STAT5B: variants seen among roughly 807,000 people sequenced by gnomAD.
The protein encoded by STAT5B is signal transducer and activator of transcription 5B, also known as transcription factor STAT5B.
In STAT5B, 21 loss-of-function variants were observed where a neutral mutation model predicts 107.8. That is an observed-to-expected ratio of 0.19 (90% confidence interval 0.14 to 0.28). The LOEUF (loss-of-function observed/expected upper bound fraction) is 0.28, where lower values mean the gene tolerates loss of function less well. Ranked by LOEUF, STAT5B falls within the 10% of genes least tolerant of loss-of-function variation. The pLI is 1.00. For missense variants in STAT5B, 565 were observed against 1,008.2 expected, an observed-to-expected ratio of 0.56 and a Z score of 5.95; for synonymous variants, 325 against 401.7, an observed-to-expected ratio of 0.81 and a Z score of 2.28.
intron 1 of STAT5B, among the ~76,000 whole-genome samples, chr17:42,274,701 C>T (rs2144444519): frequency 1.3e-5 from 2 of 152,320 alleles, no homozygotes; most frequent in East Asian, 3.9e-4. Context: ...CAATAAAATA[C>T]ATCCTCACCT....
At chr17:42,212,248 A>G in intron 12 of STAT5B, 58 bp from the exon 13 acceptor site, 1 of 1,613,354 alleles carries the variant, frequency 6.2e-7, no homozygotes, top group Non-Finnish European at 8.5e-7. Flanking sequence ...TTATTCCCTC[A>G]AGCCACAAAA....
At chr17:42,211,962 G>T (rs372815322) in intron 13 of STAT5B, 22 bp downstream of exon 13, 1 of 1,597,012 alleles carries the variant, frequency 6.3e-7, no homozygotes. Flanking sequence ...ATCTAACAGC[G>T]GCTGGCAGCT....
chr17:42,219,776 T>C lies in STAT5B; in HGVS notation c.617A>G (p.Gln206Arg), dbSNP rs1025430307. Residue 206 changes from glutamine (Q) to arginine (R), a missense_variant, in exon 6 of 19, where the codon CAG becomes CGG. Gln to Arg is a conservative substitution (Grantham distance 43). Transcript: ENST00000293328. ...CCAGGCCTCCAGAGACACCTGCTTC[T>C]GCTGGAGGGCCGTCTCCCGGCTCAG... The part of the protein sequence containing the change: ...ERLSRETALQ[Q>R]KQVSLEAWLQ... The C allele has an allele frequency of 6.2e-6, 10 of 1,613,296 alleles. No homozygotes were observed. The African/African-American group carries it at 1.3e-4, about 22-fold the overall frequency.
chr17:42,252,124 T>TA (rs1414061221), intron 1 of STAT5B, among the ~76,000 whole-genome samples: 4 of 152,096 alleles, frequency 2.6e-5, no homozygotes, highest in Admixed American at 2.6e-4. Context: ...CATCAAGAAA[T>TA]AGACACTCTG....
intron 1 of STAT5B, among the ~76,000 whole-genome samples, chr17:42,241,121 C>G (rs1598321486): frequency 6.6e-6 from 1 of 151,992 alleles, no homozygotes; most frequent in South Asian, 2.1e-4. Flanking sequence ...GGCAGATCAC[C>G]TGAGGTTGGG....
chr17:42,248,937 T>C (rs534793814), intron 1 of STAT5B, among the ~76,000 whole-genome samples: 1 of 152,224 alleles, frequency 6.6e-6, no homozygotes, highest in Non-Finnish European at 1.5e-5. Context: ...ATCTACACAA[T>C]GTCAGTGTCT....
At chr17:42,201,966 C>T in intron 18 of STAT5B, 102 bp from the exon 19 acceptor site, 1 of 1,142,898 alleles carries the variant, frequency 8.7e-7, no homozygotes, top group Non-Finnish European at 1.3e-6. Context: ...CAGCCTATGC[C>T]CTCAGCCTGG....
At chr17:42,277,439 T>C (rs958312790), upstream of STAT5B, among the ~76,000 whole-genome samples, 2 of 152,168 alleles carry the variant, frequency 1.3e-5, no homozygotes, top group African/African-American at 2.4e-5. Flanking sequence ...TAGTCCTCCC[T>C]GGGCAGCTCT....
chr17:42,209,843 A>T (rs2080114617), intron 15 of STAT5B, among the ~76,000 whole-genome samples: 1 of 152,258 alleles, frequency 6.6e-6, no homozygotes. Flanking sequence ...AGCTTTATGC[A>T]GAGTAGTACA....
intron 1 of STAT5B, among the ~76,000 whole-genome samples, chr17:42,245,066 C>T (rs950566302): frequency 4.9e-5 from 7 of 143,514 alleles, no homozygotes; most frequent in Admixed American, 2.1e-4. Context: ...CCACCAATGC[C>T]TGGCTAATTT....
At chr17:42,231,280 A>C (rs2080315439) in intron 2 of STAT5B, among the ~76,000 whole-genome samples, 1 of 152,170 alleles carries the variant, frequency 6.6e-6, no homozygotes, top group Admixed American at 6.6e-5. Flanking sequence ...AGCTGGGATT[A>C]TAGGTGTGCA....
intron 2 of STAT5B, among the ~76,000 whole-genome samples, chr17:42,229,245 G>A (rs1002500752): frequency 3.9e-5 from 6 of 151,970 alleles, no homozygotes; most frequent in African/African-American, 1.4e-4. Context: ...TGCCTCCCGG[G>A]TTCAAGTGAT....
upstream of STAT5B, among the ~76,000 whole-genome samples, chr17:42,277,133 GT>G (rs2080773390): frequency 6.6e-6 from 1 of 152,202 alleles, no homozygotes; most frequent in Non-Finnish European, 1.5e-5. Context: ...GGGGAAGGGG[GT>G]CCCCCAGATC....
chr17:42,215,915 C>T, intron 12 of STAT5B, 99 bp downstream of exon 12: 8 of 1,350,480 alleles, frequency 5.9e-6, no homozygotes, highest in Non-Finnish European at 8.3e-6. Context: ...AGTCACTGCA[C>T]CCGGCCTTTT....
the STAT5B span, chr17:42,287,672 C>CG: frequency 2.6e-5 from 4 of 152,304 alleles, no homozygotes; most frequent in African/African-American, 9.7e-5. Context: ...GCTGGGTGAA[C>CG]GGGGGCGCTG....
Position 42,238,451 on chromosome 17 carries a change from C to CTT in STAT5B, c.-10-6316_-10-6315dup, listed in dbSNP as rs75642417. Among the ~76,000 whole-genome samples, 33 of 124,836 alleles carry CTT rather than the reference C, an allele frequency of 2.6e-4. No homozygotes were observed. In the East Asian group the frequency reaches 4.4e-3, roughly 17 times the overall value. 81.9% of individuals were successfully genotyped at this position (124,836 alleles called of 152,430 possible). On this transcript the variant is annotated intron_variant, in intron 1 of 18. Coordinates refer to ENST00000293328, the MANE Select transcript of STAT5B (RefSeq NM_012448.4). The stretch of plus-strand genomic sequence containing the variant: ...AGAGGCACAAGCCATTGTGCCTGGC[C>CTT]TTTTTTTTTTTTTTTTTTTTTAAGG...
chr17:42,261,901 C>A (rs565011468), intron 1 of STAT5B, among the ~76,000 whole-genome samples: 1 of 152,136 alleles, frequency 6.6e-6, no homozygotes, highest in Admixed American at 6.5e-5. Context: ...GATCTCATTA[C>A]GTTGTCCAGG....
At chr17:42,215,963 C>A in intron 12 of STAT5B, 51 bp downstream of exon 12, 1 of 1,575,526 alleles carries the variant, frequency 6.3e-7, no homozygotes, top group Non-Finnish European at 8.7e-7. Context: ...AAATGAGATT[C>A]ATGACACCGG....
intron 1 of STAT5B, among the ~76,000 whole-genome samples, chr17:42,245,289 G>A (rs950582204): frequency 6.6e-6 from 1 of 151,720 alleles, no homozygotes; most frequent in African/African-American, 2.4e-5. Context: ...TGTTGGCCAA[G>A]ATGGTCTCGA....
Sources: gnomAD v4.1 joint callset for allele counts (sites outside exome capture counted in the v4.1 genomes callset) on GRCh38, gnomAD v4.1.1 for gene constraint, MANE v1.5 for transcripts, NCBI Gene and HGNC (gene_info 2026-07-23, HGNC 2026-07-21) for gene names.